The following EXD2 variants were observed in gnomAD, a reference collection of about 807,000 sequenced individuals.
EXD2 encodes exonuclease 3'-5' domain containing 2, also known as exonuclease 3'-5' domain-containing protein 2.
Under a neutral mutation model 62.5 loss-of-function variants are expected in EXD2, and 40 were observed. The ratio of observed to expected loss-of-function variants is 0.64; its 90% CI spans 0.50 to 0.83. The LOEUF (loss-of-function observed/expected upper bound fraction) is 0.83, where lower values mean the gene tolerates loss of function less well. Among genes scored for constraint, EXD2 ranks in the 40% least tolerant of loss-of-function variants. The pLI is 0.00. For missense variants in EXD2, 671 were observed against 761.8 expected (o/e 0.88, Z 1.40); for synonymous variants, 239 against 291.9 (o/e 0.82, Z 1.85).
intron 1 of EXD2, among the ~76,000 whole-genome samples, chr14:69,192,672 A>G (rs939529333): frequency 1.3e-5 from 2 of 152,160 alleles, no homozygotes; most frequent in African/African-American, 4.8e-5. Flanking sequence ...TTTGACAAGT[A>G]TGTGTACGTA....
At chr14:69,230,746 G>T in intron 5 of EXD2, 148 bp downstream of exon 5, 1 of 873,658 alleles carries the variant, frequency 1.1e-6, no homozygotes, top group Non-Finnish European at 1.7e-6. Context: ...CCAGCTAACT[G>T]GTCTACAATA....
At position 69,240,910 on chromosome 14, in the gene EXD2, A is replaced by G. The variant is rs2043959900; in HGVS notation, c.1676A>G (p.His559Arg). ...TRISNENYVPHGLKVVQCHSQ... is the reference protein window; with the variant it reads ...TRISNENYVPRGLKVVQCHSQ... Reference sequence around the variant, plus strand: ...ATCTCCAATGAAAACTATGTTCCTCACGGGCTGAAGGTGGTGCAGTGTCAC... The same window carrying G: ...ATCTCCAATGAAAACTATGTTCCTCGCGGGCTGAAGGTGGTGCAGTGTCAC... The change falls in exon 10 of 10, where the codon CAC becomes CGC. Residue 559 changes from histidine (H) to arginine (R), a missense_variant. His to Arg is a conservative substitution (Grantham distance 29). Coordinates refer to ENST00000685843, the MANE Select transcript of EXD2 (RefSeq NM_001193360.2). 4 of 1,613,594 alleles carry G rather than the reference A, an allele frequency of 2.5e-6. No individual in the cohort carries two copies. The highest frequency in any genetic ancestry group is 3.4e-6 in the Non-Finnish European group (4 of 1,179,870).
intron 2 of EXD2, among the ~76,000 whole-genome samples, chr14:69,207,936 T>C (rs2042663548): frequency 6.6e-6 from 1 of 151,602 alleles, no homozygotes; most frequent in South Asian, 2.1e-4. Flanking sequence ...CTTACTCTTA[T>C]CACCCAGGCT....
intron 9 of EXD2, among the ~76,000 whole-genome samples, chr14:69,239,758 C>T (rs1207227478): frequency 2.6e-5 from 4 of 152,174 alleles, no homozygotes; most frequent in African/African-American, 9.7e-5. Context: ...TGTGCCACCA[C>T]ACACGGCTAA....
intron 1 of EXD2, among the ~76,000 whole-genome samples, chr14:69,197,471 T>G (rs564165156): frequency 6.6e-6 from 1 of 152,284 alleles, no homozygotes; most frequent in East Asian, 1.9e-4. Context: ...GTGGTACATG[T>G]GCAGGTTTGT....
rs1292663491 is a variant in EXD2, at chr14:69,228,988, C to T, written c.506C>T (p.Ser169Leu). ...ATTTTGAAAGTTGGAGTGGGATGCT[C>T]AGAAGATGCCAGCAAGCTTCTGCAG... is the stretch of plus-strand genomic sequence containing the variant. ...GTILKVGVGC[S>L]EDASKLLQDY... Residue 169 changes from serine (S) to leucine (L), a missense_variant, in exon 4 of 10, where the codon TCA becomes TTA. Ser to Leu is a moderately radical substitution (Grantham distance 145). Coordinates refer to ENST00000685843, the MANE Select transcript of EXD2 (RefSeq NM_001193360.2). 4 of 1,614,068 alleles carry T rather than the reference C, an allele frequency of 2.5e-6. No individual in the cohort carries two copies. Among genetic ancestry groups the T allele is most frequent in the Non-Finnish European group, 3.4e-6 (4 of 1,180,036 alleles).
chr14:69,197,608 G>T lies in EXD2; in HGVS notation c.-132+6017G>T, dbSNP rs547674910. 1.2e-4 allele frequency among the ~76,000 whole-genome samples: 18 copies of T among 152,056 alleles called. No homozygotes were observed. The South Asian group carries it at 3.7e-3, about 32-fold the overall frequency. ...TTCCCCTCCCCTCTGGTAGTCCCCA[G>T]TGTCTGTTGTTCCCGTCTTTATGTC... On this transcript the variant is annotated intron_variant, in intron 1 of 9. Coordinates refer to ENST00000685843, the MANE Select transcript of EXD2 (RefSeq NM_001193360.2).
intron 5 of EXD2, 98 bp from the exon 6 acceptor site, chr14:69,234,602 A>G (rs946451722): frequency 1.0e-6 from 1 of 979,848 alleles, no homozygotes; most frequent in Non-Finnish European, 1.5e-6. Flanking sequence ...ATTTTGAATT[A>G]GGATCCTAAG....
chr14:69,237,485 C>A, intron 8 of EXD2, 90 bp from the exon 9 acceptor site: 1 of 1,211,156 alleles, frequency 8.3e-7, no homozygotes, highest in Non-Finnish European at 1.2e-6. Context: ...TGGTTAGGCC[C>A]CAGTTAGAAC....
intron 3 of EXD2, among the ~76,000 whole-genome samples, chr14:69,227,118 A>C (rs1310990352): frequency 1.3e-5 from 2 of 152,138 alleles, no homozygotes; most frequent in African/African-American, 2.4e-5. Context: ...CGCTATTGAC[A>C]TTTTGGGCAG....
intron 3 of EXD2, chr14:69,227,860 A>G (rs909253472): frequency 6.6e-6 from 1 of 152,166 alleles, no homozygotes; most frequent in Non-Finnish European, 1.5e-5. Context: ...TTAAACCTCG[A>G]TCACTTATTG....
intron 1 of EXD2, among the ~76,000 whole-genome samples, chr14:69,203,047 G>C (rs1029495270): frequency 8.6e-5 from 13 of 151,990 alleles, no homozygotes; most frequent in African/African-American, 3.1e-4. Flanking sequence ...CAGTTAGACC[G>C]TGTCTCAAGT....
chr14:69,230,692 T>C (rs1460995802), intron 5 of EXD2, 94 bp downstream of exon 5: 6 of 1,409,104 alleles, frequency 4.3e-6, no homozygotes, highest in Non-Finnish European at 5.7e-6. Context: ...AGTATAAGTA[T>C]TGGATGGAGA....
rs2044009447 is a variant in EXD2 at position 69,242,628 on chromosome 14, C to T, written c.*1528C>T. 6.6e-6 allele frequency: 1 copy of T among 152,176 alleles called. No individual in the cohort carries two copies. Among genetic ancestry groups the T allele is most frequent in the South Asian group, 2.1e-4 (1 of 4,830 alleles). The allele number at this position is 152,176 out of a possible 1,614,324, so 9.4% of individuals were successfully genotyped here. A position where few individuals can be genotyped will look rare whatever the true frequency, so the allele number is the denominator to read the frequency against. On this transcript the variant is annotated 3_prime_UTR_variant, in exon 10 of 10. Transcript: ENST00000685843. ...AGAAATCCTTGAAAACAAATAGTACCAGCCACTTTGAGGAATGTGCATTCA... is the reference window on the plus strand; with the variant it reads ...AGAAATCCTTGAAAACAAATAGTACTAGCCACTTTGAGGAATGTGCATTCA...
intron 3 of EXD2, among the ~76,000 whole-genome samples, chr14:69,211,702 A>G (rs2042809097): frequency 1.3e-5 from 2 of 152,158 alleles, no homozygotes; most frequent in South Asian, 4.1e-4. Context: ...TATTTACATC[A>G]GCAACAATAG....
intron 7 of EXD2, 75 bp downstream of exon 7, chr14:69,236,227 G>A (rs749862872): frequency 1.3e-6 from 2 of 1,507,620 alleles, no homozygotes; most frequent in East Asian, 4.5e-5. Context: ...AGTGAGATAA[G>A]GAAGAGGGAG....
chr14:69,208,096 A>C (rs1431084611), intron 2 of EXD2, among the ~76,000 whole-genome samples: 1 of 149,976 alleles, frequency 6.7e-6, no homozygotes, highest in East Asian at 2.0e-4. Flanking sequence ...ATGGGGTTTC[A>C]CCATGTTAGC....
At chr14:69,233,584 C>T (rs989168173) in intron 5 of EXD2, among the ~76,000 whole-genome samples, 8 of 151,534 alleles carry the variant, frequency 5.3e-5, no homozygotes, top group Non-Finnish European at 1.2e-4. Context: ...GGATTACAGG[C>T]GCGTGCCACC....
chr14:69,198,769 G>A (rs1451088318), intron 1 of EXD2, among the ~76,000 whole-genome samples: 7 of 152,284 alleles, frequency 4.6e-5, no homozygotes, highest in African/African-American at 9.6e-5. Context: ...ACACTTACAC[G>A]AACCTAGATG....
Sources: allele counts gnomAD v4.1 joint callset (sites outside exome capture counted in the v4.1 genomes callset), GRCh38; gene constraint gnomAD v4.1.1; transcripts MANE v1.5; gene names NCBI Gene and HGNC (gene_info 2026-07-23, HGNC 2026-07-21).